LARGE1: variants seen among roughly 807,000 people sequenced by gnomAD.
LARGE1 encodes xylosyl- and glucuronyltransferase LARGE1.
LARGE1 carries 43 observed loss-of-function variants against 87.6 expected under a neutral mutation model. That is an observed-to-expected ratio of 0.49 (90% CI 0.38 to 0.63). The LOEUF (loss-of-function observed/expected upper bound fraction) is 0.63. Among genes scored for constraint, LARGE1 ranks in the 30% least tolerant of loss-of-function variants. The pLI, the probability that LARGE1 is intolerant of heterozygous loss-of-function variation, is 0.00. For synonymous variants in LARGE1, 434 were observed against 394.6 expected (o/e 1.10, Z -1.18); for missense variants, 802 against 1,000.2 (o/e 0.80, Z 2.67).
chr22:33,215,703 TC>T (rs1925170460), intron 11 of LARGE1, among the ~76,000 whole-genome samples: 1 of 152,224 alleles, frequency 6.6e-6, no homozygotes, highest in Non-Finnish European at 1.5e-5. Context: ...ACGCCTTTAA[TC>T]CTAGCACTTT....
intron 2 of LARGE1, chr22:33,750,845 T>G (rs2084288549): frequency 6.6e-6 from 1 of 152,166 alleles, no homozygotes; most frequent in South Asian, 2.1e-4. Context: ...TCTCATAGGG[T>G]GAATATCTGT....
In LARGE1 at chr22:33,551,055, G is replaced by A. The variant is rs570716276; in HGVS notation, c.787+13793C>T. Among the ~76,000 whole-genome samples, 6 of 152,244 alleles carry A rather than the reference G, an allele frequency of 3.9e-5. No individual in the cohort carries two copies. In the East Asian group the frequency reaches 9.6e-4, roughly 24 times the overall value. Reference sequence around the variant, plus strand: ...ACAATGGAAACTCAGAAGGGTAAAGGGATGGGAAAGGGGTGGATGATGAGA... The same window carrying A: ...ACAATGGAAACTCAGAAGGGTAAAGAGATGGGAAAGGGGTGGATGATGAGA... On this transcript the variant is annotated intron_variant, in intron 6 of 14. Transcript: ENST00000397394.
chr22:33,170,340 G>A (rs1377114388), intron 11 of LARGE1, among the ~76,000 whole-genome samples: 1 of 152,020 alleles, frequency 6.6e-6, no homozygotes, highest in Admixed American at 6.6e-5. Flanking sequence ...CTGCACCCTG[G>A]CCTGGATGAC....
rs113929907 is a variant in LARGE1, at chr22:33,395,154, C to A, written c.893-10850G>T. Among the ~76,000 whole-genome samples the A allele has an allele frequency of 1.5e-3, 220 of 142,898 alleles. 2 individuals carry two copies. Among genetic ancestry groups the A allele is most frequent in the African/African-American group, 5.2e-3 (196 of 37,386 alleles). 93.7% of individuals were successfully genotyped at this position (142,898 alleles called of 152,430 possible). A position where few individuals can be genotyped will look rare whatever the true frequency, so the allele number is the denominator to read the frequency against. On this transcript the variant is annotated intron_variant, in intron 7 of 14. Coordinates refer to ENST00000397394, the MANE Select transcript of LARGE1 (RefSeq NM_133642.5). ...TGAGGCAGGAGAATGGTGTGAACCC[C>A]GGAGGCGGAGCTTGCAGTGAGCCGA... is the stretch of plus-strand genomic sequence containing the variant.
In LARGE1 at chr22:33,728,576, A is replaced by AC. The variant is rs777309967; in HGVS notation, c.106+32794_106+32795insG. 2.4e-3 allele frequency among the ~76,000 whole-genome samples: 245 copies of AC among 103,764 alleles called. 6 individuals are homozygous for AC. Among genetic ancestry groups the AC allele is most frequent in the African/African-American group, 7.2e-3 (230 of 31,884 alleles). The allele number at this position is 103,764 out of a possible 152,430, so 68.1% of individuals were successfully genotyped here. A position where few individuals can be genotyped will look rare whatever the true frequency, so the allele number is the denominator to read the frequency against. ...CAAAAAAAAAAAAAAAAAAAAAAAAAAAACCAACAACAGAGACACATTTCC... is the reference window on the plus strand; with the variant it reads ...CAAAAAAAAAAAAAAAAAAAAAAAAACAAACCAACAACAGAGACACATTTCC... On this transcript the variant is annotated intron_variant, in intron 2 of 14. Coordinates refer to ENST00000397394, the MANE Select transcript of LARGE1 (RefSeq NM_133642.5).
intron 6 of LARGE1, among the ~76,000 whole-genome samples, chr22:33,467,682 G>A (rs1424624984): frequency 6.6e-6 from 1 of 152,198 alleles, no homozygotes; most frequent in Non-Finnish European, 1.5e-5. Context: ...AAAAGGCACT[G>A]GTTCCAAATG....
chr22:33,338,065 T>G (rs1319904374), intron 9 of LARGE1, among the ~76,000 whole-genome samples: 2 of 152,120 alleles, frequency 1.3e-5, no homozygotes, highest in African/African-American at 4.8e-5. Context: ...ATCTGTGAAA[T>G]GGGAATAATC....
chr22:33,725,183 A>C (rs1433410896), intron 2 of LARGE1: 1 of 152,894 alleles, frequency 6.5e-6, no homozygotes, highest in Admixed American at 6.5e-5. Context: ...GAAGCTCTGG[A>C]AAGGCCAGCG....
chr22:33,363,359 T>C (rs936227971), intron 9 of LARGE1, among the ~76,000 whole-genome samples: 2 of 149,770 alleles, frequency 1.3e-5, no homozygotes, highest in Admixed American at 1.3e-4. Flanking sequence ...ACAATCATGG[T>C]GGAAGGTGAA....
intron 2 of LARGE1, among the ~76,000 whole-genome samples, chr22:33,746,166 C>G (rs1168597638): frequency 1.3e-5 from 2 of 152,108 alleles, no homozygotes; most frequent in Non-Finnish European, 1.5e-5. Flanking sequence ...GGCGTGAACC[C>G]GGGAGGCAGA....
chr22:33,606,084 G>A (rs1301135998), intron 4 of LARGE1, among the ~76,000 whole-genome samples: 1 of 152,156 alleles, frequency 6.6e-6, no homozygotes, highest in African/African-American at 2.4e-5. Flanking sequence ...GAGCAGAGAA[G>A]GACATGAGAA....
intron 5 of LARGE1, among the ~76,000 whole-genome samples, chr22:33,586,178 C>T (rs2078667629): frequency 6.6e-6 from 1 of 152,200 alleles, no homozygotes; most frequent in Non-Finnish European, 1.5e-5. Flanking sequence ...GGGAAACCAG[C>T]TGGCTTGGAA....
At chr22:33,352,810 G>A (rs376504827) in intron 9 of LARGE1, among the ~76,000 whole-genome samples, 1 of 152,050 alleles carries the variant, frequency 6.6e-6, no homozygotes, top group Non-Finnish European at 1.5e-5. Flanking sequence ...AATTGAAACC[G>A]AATGACAGAT....
At chr22:33,339,739 G>A (rs933443732) in intron 9 of LARGE1, among the ~76,000 whole-genome samples, 52 of 152,272 alleles carry the variant, frequency 3.4e-4, no homozygotes, top group African/African-American at 1.2e-3. Context: ...TGCACTCTTG[G>A]CTCACTGCAG....
chr22:33,623,449 G>A (rs906148640), intron 4 of LARGE1, among the ~76,000 whole-genome samples: 1 of 152,054 alleles, frequency 6.6e-6, no homozygotes, highest in African/African-American at 2.4e-5. Context: ...ACTGGACAGC[G>A]CTATGAGGAA....
At chr22:33,612,265 G>A (rs1007185436) in intron 4 of LARGE1, among the ~76,000 whole-genome samples, 4 of 152,174 alleles carry the variant, frequency 2.6e-5, no homozygotes, top group East Asian at 1.9e-4. Flanking sequence ...CACCATGCCC[G>A]GCTAATTTTT....
At chr22:33,258,028 G>A (rs1475907231) in intron 11 of LARGE1, among the ~76,000 whole-genome samples, 2 of 151,838 alleles carry the variant, frequency 1.3e-5, no homozygotes, top group African/African-American at 2.4e-5. Context: ...ATCAAGAAAT[G>A]TATATATATT....
intron 1 of LARGE1, among the ~76,000 whole-genome samples, chr22:33,762,540 A>T (rs929549812): frequency 1.3e-5 from 2 of 152,206 alleles, no homozygotes; most frequent in South Asian, 2.1e-4. Flanking sequence ...AAACACACTC[A>T]CTAGGGACTA....
the LARGE1 span, among the ~76,000 whole-genome samples, chr22:33,126,730 T>C: frequency 2.0e-5 from 3 of 152,246 alleles, no homozygotes; most frequent in African/African-American, 7.2e-5. Context: ...GTAAAGCACT[T>C]TGAACACAGT....
Sources: allele counts gnomAD v4.1 joint callset (sites outside exome capture counted in the v4.1 genomes callset), GRCh38; gene constraint gnomAD v4.1.1; transcripts MANE v1.5; gene names NCBI Gene and HGNC (gene_info 2026-07-23, HGNC 2026-07-21).